The following GTPBP10 variants were observed in gnomAD, a reference collection of about 807,000 sequenced individuals.
The protein encoded by GTPBP10 is GTP-binding protein 10.
In GTPBP10, 38 loss-of-function variants were observed where a neutral mutation model predicts 44.8. That is an observed-to-expected ratio of 0.85 (90% CI 0.65 to 1.11). The LOEUF is 1.11. Ranked by LOEUF, GTPBP10 falls within the 50% of genes most tolerant of loss-of-function variation. The pLI is 0.00. For synonymous variants in GTPBP10, 152 were observed against 150.6 expected (o/e 1.01, Z -0.07); for missense variants, 462 against 453.7 (o/e 1.02, Z -0.17).
At chr7:90,384,772 GA>G (rs35157693) in intron 9 of GTPBP10, 119 bp from the exon 10 acceptor site, 2 of 906,228 alleles carry the variant, frequency 2.2e-6, no homozygotes, top group Non-Finnish European at 1.6e-6. Context: ...TAGAAAAGGT[GA>G]AAAAAGGCAT....
Position 90,385,026 on chromosome 7 carries a change from C to T in GTPBP10, c.1036C>T (p.Gln346Ter), listed in dbSNP as rs1364163348. The T allele has an allele frequency of 8.7e-6, 14 of 1,613,914 alleles. No homozygotes were observed. Among genetic ancestry groups the T allele is most frequent in the Non-Finnish European group, 1.1e-5 (13 of 1,179,922 alleles). ...KNCIRKSLDE[Q>*]ANQENDALHK... is the part of the protein sequence containing the mutation. ...TTGTATAAGAAAGTCACTGGATGAA[C>T]AGGCCAACCAGGAAAATGATGCACT... Residue 346 changes from glutamine (Q) to a stop codon, truncating the protein, a stop_gained, in exon 10 of 10, where the codon CAG becomes TAG. Transcript: ENST00000222511. LOFTEE classifies it high-confidence loss of function.
At chr7:90,383,554 A>G (rs1796468957) in intron 9 of GTPBP10, among the ~76,000 whole-genome samples, 1 of 152,226 alleles carries the variant, frequency 6.6e-6, no homozygotes, top group Non-Finnish European at 1.5e-5. Flanking sequence ...GAGTCTTCTG[A>G]AAAGAACTTC....
intron 6 of GTPBP10, 81 bp from the exon 7 acceptor site, chr7:90,377,426 A>G (rs1056213840): frequency 1.2e-6 from 1 of 845,106 alleles, no homozygotes; most frequent in Admixed American, 2.3e-5. Context: ...TATTTGAAAT[A>G]TCTTAAAAAT....
At chr7:90,376,824 T>G (rs561688735) in intron 6 of GTPBP10, among the ~76,000 whole-genome samples, 14 of 152,366 alleles carry the variant, frequency 9.2e-5, no homozygotes, top group African/African-American at 3.4e-4. Flanking sequence ...CTGGTAAATG[T>G]CTGCTGAATT....
intron 4 of GTPBP10, among the ~76,000 whole-genome samples, chr7:90,360,337 C>T (rs1795990689): frequency 6.6e-6 from 1 of 152,132 alleles, no homozygotes; most frequent in South Asian, 2.1e-4. Context: ...GGAAGGGATC[C>T]AGTTTCAGCT....
chr7:90,371,853 C>T (rs1796263459), intron 4 of GTPBP10, among the ~76,000 whole-genome samples: 1 of 151,826 alleles, frequency 6.6e-6, no homozygotes, highest in South Asian at 2.1e-4. Flanking sequence ...TAGAAAGTTA[C>T]AGGTGTTTTT....
At chr7:90,348,886 G>A (rs1795735421) in intron 1 of GTPBP10, among the ~76,000 whole-genome samples, 1 of 152,074 alleles carries the variant, frequency 6.6e-6, no homozygotes, top group African/African-American at 2.4e-5. Flanking sequence ...TCTAATGTTC[G>A]TTTTTCTGGT....
intron 5 of GTPBP10, 77 bp from the exon 6 acceptor site, chr7:90,374,225 A>C: frequency 1.1e-6 from 1 of 946,714 alleles, no homozygotes; most frequent in Non-Finnish European, 1.7e-6. Context: ...TTGTTTATGC[A>C]TAATACCAAG....
intron 8 of GTPBP10, among the ~76,000 whole-genome samples, chr7:90,380,578 T>G (rs1796419912): frequency 6.6e-6 from 1 of 152,222 alleles, no homozygotes; most frequent in Admixed American, 6.5e-5. Flanking sequence ...GATATTTGGA[T>G]ATATGTTTAC....
rs2115800062 is a variant in GTPBP10, at chr7:90,386,919, GA to G, written c.*1769del. On this transcript the variant is annotated 3_prime_UTR_variant, in exon 10 of 10. Coordinates refer to ENST00000222511, the MANE Select transcript of GTPBP10 (RefSeq NM_033107.4). ...ATTAGGCCCCTCAGTTCTTCCCAGG[GA>G]AAATGATTAATAGTTTACATTCTTG... The G allele has an allele frequency of 6.6e-6, 1 of 152,190 alleles. No individual in the cohort carries two copies. Among genetic ancestry groups the G allele is most frequent in the South Asian group, 2.1e-4 (1 of 4,830 alleles). The allele number at this position is 152,190 out of a possible 1,614,324, so 9.4% of individuals were successfully genotyped here.
intron 4 of GTPBP10, among the ~76,000 whole-genome samples, chr7:90,359,594 A>G (rs1214392157): frequency 3.9e-5 from 6 of 152,204 alleles, no homozygotes; most frequent in Non-Finnish European, 7.3e-5. Context: ...TAGTGCCACA[A>G]TAAACATACG....
At chr7:90,352,716 G>A (rs757025985) in intron 1 of GTPBP10, 100 bp from the exon 2 acceptor site, 27 of 871,742 alleles carry the variant, frequency 3.1e-5, no homozygotes, top group Non-Finnish European at 4.4e-5. Context: ...AGCTATTAAC[G>A]ACTTTTTTAG....
chr7:90,362,939 C>G lies in GTPBP10; in HGVS notation c.464+7709C>G, dbSNP rs945202753. Reference sequence around the variant, plus strand: ...TGTTGGTTTAAAGTCTGTTTTATCACAGACTAGGGTTGCAACCCCTGCCTT... The same window carrying G: ...TGTTGGTTTAAAGTCTGTTTTATCAGAGACTAGGGTTGCAACCCCTGCCTT... On this transcript the variant is annotated intron_variant, in intron 4 of 9. Coordinates refer to ENST00000222511, the MANE Select transcript of GTPBP10 (RefSeq NM_033107.4). Among the ~76,000 whole-genome samples, 99 of 152,210 alleles carry G rather than the reference C, an allele frequency of 6.5e-4. 1 individual carries two copies. The highest frequency in any genetic ancestry group is 1.0e-3 in the Non-Finnish European group (70 of 68,014).
At position 90,389,474 on chromosome 7, in the gene GTPBP10, A is replaced by G. The variant is rs1249115680; in HGVS notation, c.*4320A>G. On this transcript the variant is annotated 3_prime_UTR_variant, in exon 10 of 10. Coordinates refer to ENST00000222511, the MANE Select transcript of GTPBP10 (RefSeq NM_033107.4). ...TTATCTTGGCTCACTGCAGCCTCTGATTCCCTGGTTCAAGCAATTCTCCTG... is the reference window on the plus strand; with the variant it reads ...TTATCTTGGCTCACTGCAGCCTCTGGTTCCCTGGTTCAAGCAATTCTCCTG... 6.6e-6 allele frequency: 1 copy of G among 151,538 alleles called. No individual in the cohort carries two copies. Among genetic ancestry groups the G allele is most frequent in the African/African-American group, 2.4e-5 (1 of 41,202 alleles). 9.4% of individuals were successfully genotyped at this position (151,538 alleles called of 1,614,324 possible).
intron 1 of GTPBP10, among the ~76,000 whole-genome samples, chr7:90,349,944 T>A (rs1428174139): frequency 6.6e-6 from 1 of 152,082 alleles, no homozygotes; most frequent in Non-Finnish European, 1.5e-5. Flanking sequence ...AATTATACTT[T>A]AAGTTCTAGG....
At chr7:90,354,698 GTTAAA>G (rs1197350803) in intron 3 of GTPBP10, 149 bp downstream of exon 3, 15 of 494,954 alleles carry the variant, frequency 3.0e-5, no homozygotes, top group Non-Finnish European at 3.5e-6. Context: ...ACTTATAAAA[GTTAAA>G]TTGACTGCTA....
intron 1 of GTPBP10, among the ~76,000 whole-genome samples, chr7:90,351,177 A>G (rs1438686991): frequency 6.6e-6 from 1 of 152,258 alleles, no homozygotes; most frequent in African/African-American, 2.4e-5. Flanking sequence ...TTATGCAGTT[A>G]TGATTTAATA....
At chr7:90,358,066 G>A (rs1210134418) in intron 4 of GTPBP10, among the ~76,000 whole-genome samples, 13 of 152,050 alleles carry the variant, frequency 8.5e-5, no homozygotes, top group Admixed American at 8.5e-4. Context: ...TCCTAGATTT[G>A]ATAAATGAAT....
intron 4 of GTPBP10, among the ~76,000 whole-genome samples, chr7:90,365,763 T>C (rs1176470019): frequency 6.6e-6 from 1 of 152,232 alleles, no homozygotes; most frequent in Non-Finnish European, 1.5e-5. Flanking sequence ...TATTTCTCTC[T>C]CTTGCCTGAC....
Sources: allele counts gnomAD v4.1 joint callset (sites outside exome capture counted in the v4.1 genomes callset), GRCh38; gene constraint gnomAD v4.1.1; transcripts MANE v1.5; gene names NCBI Gene and HGNC (gene_info 2026-07-23, HGNC 2026-07-21).